B3GAT1: variants seen among roughly 807,000 people sequenced by gnomAD.
B3GAT1 encodes beta-1,3-glucuronyltransferase 1, also known as galactosylgalactosylxylosylprotein 3-beta-glucuronosyltransferase 1.
In B3GAT1, 11 loss-of-function variants were observed where a neutral mutation model predicts 28.4. The ratio of observed to expected loss-of-function variants is 0.39; its 90% CI spans 0.24 to 0.64. The LOEUF is 0.64. Among genes scored for constraint, B3GAT1 ranks in the 30% least tolerant of loss-of-function variants. The pLI, the probability that B3GAT1 is intolerant of heterozygous loss-of-function variation, is 0.50. For synonymous variants in B3GAT1, 255 were observed against 223.1 expected (o/e 1.14, Z -1.27); for missense variants, 375 against 491.0 (o/e 0.76, Z 2.23).
At chr11:134,382,380 CAT>C (rs1338911417) in intron 4 of B3GAT1, among the ~76,000 whole-genome samples, 4 of 150,310 alleles carry the variant, frequency 2.7e-5, no homozygotes, top group East Asian at 2.0e-4. Flanking sequence ...TGTTCACCTG[CAT>C]ATATGTGTGC....
chr11:134,395,236 G>A (rs940277874), intron 1 of B3GAT1, among the ~76,000 whole-genome samples: 1 of 152,224 alleles, frequency 6.6e-6, no homozygotes, highest in African/African-American at 2.4e-5. Context: ...GCGGGGATGG[G>A]CACACAGATG....
chr11:134,383,582 C>T, intron 3 of B3GAT1, 98 bp downstream of exon 3: 6 of 1,410,362 alleles, frequency 4.3e-6, no homozygotes, highest in Non-Finnish European at 4.6e-6. Context: ...TCCCGGGTTC[C>T]CCCTGCGCGC....
intron 1 of B3GAT1, among the ~76,000 whole-genome samples, chr11:134,409,148 A>G (rs1944799712): frequency 6.6e-6 from 1 of 152,186 alleles, no homozygotes; most frequent in Admixed American, 6.5e-5. Context: ...GACTGCCAGG[A>G]AGCCGGGGCT....
At chr11:134,403,729 T>C (rs1944666177) in intron 1 of B3GAT1, among the ~76,000 whole-genome samples, 2 of 152,148 alleles carry the variant, frequency 1.3e-5, no homozygotes, top group South Asian at 4.1e-4. Flanking sequence ...AAATGTGGAA[T>C]ACACATGCAA....
At chr11:134,402,912 CA>C (rs970550896) in intron 1 of B3GAT1, among the ~76,000 whole-genome samples, 3,475 of 83,270 alleles carry the variant, frequency 0.042, 60 homozygotes, top group African/African-American at 0.12. Flanking sequence ...GACTCTGTTT[CA>C]AAAAAAAAAA....
rs1197610622 is a variant in B3GAT1 at position 134,393,726 on chromosome 11, G to A, written c.-281-5786C>T. 6.6e-6 allele frequency among the ~76,000 whole-genome samples: 1 copy of A among 152,190 alleles called. No individual in the cohort carries two copies. Among genetic ancestry groups the A allele is most frequent in the Admixed American group, 6.5e-5 (1 of 15,274 alleles). On this transcript the variant is annotated intron_variant, in intron 1 of 5. Transcript: ENST00000312527. This position sits in a 1 kb window ranked among gnomAD's most constrained non-coding sequence, Gnocchi z 4.0. ...GAACCGGCGTCACTGACTCTTGAGG[G>A]CGTGGGCTCAGTGGTGACAGCAGAG...
intron 2 of B3GAT1, chr11:134,386,751 T>A (rs1944296982): frequency 6.6e-6 from 1 of 152,210 alleles, no homozygotes; most frequent in East Asian, 1.9e-4. Flanking sequence ...TGTCATGAAA[T>A]GGCATGTGAA....
intron 1 of B3GAT1, among the ~76,000 whole-genome samples, chr11:134,401,426 T>C (rs889203147): frequency 1.3e-5 from 2 of 152,228 alleles, no homozygotes; most frequent in Non-Finnish European, 2.9e-5. Flanking sequence ...AATGCTTTTT[T>C]TGCAGCAACA....
At chr11:134,402,765 T>C (rs1332388749) in intron 1 of B3GAT1, among the ~76,000 whole-genome samples, 3 of 151,860 alleles carry the variant, frequency 2.0e-5, no homozygotes, top group Admixed American at 2.0e-4. Flanking sequence ...ATACAAAAAT[T>C]AGCCAGGTGT....
chr11:134,397,366 G>A (rs546554310), intron 1 of B3GAT1, among the ~76,000 whole-genome samples: 549 of 151,798 alleles, frequency 3.6e-3, no homozygotes, highest in Non-Finnish European at 6.2e-3. Context: ...CCCTGCGCCC[G>A]CCCACCACTC....
At chr11:134,403,450 C>G (rs575187035) in intron 1 of B3GAT1, among the ~76,000 whole-genome samples, 4 of 152,186 alleles carry the variant, frequency 2.6e-5, no homozygotes, top group Non-Finnish European at 5.9e-5. Flanking sequence ...CTGGGCACCA[C>G]AGGGTGCCTG....
chr11:134,399,259 G>A (rs887226316), intron 1 of B3GAT1, among the ~76,000 whole-genome samples: 1 of 152,166 alleles, frequency 6.6e-6, no homozygotes, highest in African/African-American at 2.4e-5. Context: ...AATAGACCAC[G>A]CCAGGATTTG....
intron 1 of B3GAT1, among the ~76,000 whole-genome samples, chr11:134,400,333 C>G (rs961612533): frequency 6.6e-6 from 1 of 152,226 alleles, no homozygotes; most frequent in Non-Finnish European, 1.5e-5. Context: ...GGGCCCAGAG[C>G]CCAACCCAAA....
intron 1 of B3GAT1, among the ~76,000 whole-genome samples, chr11:134,401,299 A>C (rs961919019): frequency 6.6e-6 from 1 of 152,366 alleles, no homozygotes; most frequent in East Asian, 1.9e-4. Context: ...TCGCAGCACT[A>C]TTCATAACAG....
chr11:134,399,464 G>A (rs1417204041), intron 1 of B3GAT1, among the ~76,000 whole-genome samples: 2 of 152,226 alleles, frequency 1.3e-5, no homozygotes, highest in Non-Finnish European at 2.9e-5. Flanking sequence ...GCTCAGTGGG[G>A]GCCAGGCCCG....
rs914609372 is a variant in B3GAT1 at position 134,405,480 on chromosome 11, C to T, written c.-282+6327G>A. Among the ~76,000 whole-genome samples, 7 of 152,200 alleles carry T rather than the reference C, an allele frequency of 4.6e-5. No individual in the cohort carries two copies. The South Asian group carries it at 6.2e-4, about 14-fold the overall frequency. ...TAGTTTGTCTGTATTTTTAATTTGC[C>T]GCCTGTGGCCTGAAGGAGCTGACCT... On this transcript the variant is annotated intron_variant, in intron 1 of 5. Coordinates refer to ENST00000312527, the MANE Select transcript of B3GAT1 (RefSeq NM_054025.3).
At chr11:134,403,983 TTATA>T (rs55794505) in intron 1 of B3GAT1, among the ~76,000 whole-genome samples, 2,866 of 40,060 alleles carry the variant, frequency 0.072, 96 homozygotes, top group Non-Finnish European at 0.076. Flanking sequence ...GTTTCTTTCT[TTATA>T]TATATATATA....
rs374034968 is a variant in B3GAT1 at position 134,382,839 on chromosome 11, C to G, written c.789G>C (p.Arg263=). The change falls in exon 4 of 6, where the codon CGG becomes CGC. Residue 263 remains arginine (R), a synonymous_variant. Coordinates refer to ENST00000312527, the MANE Select transcript of B3GAT1 (RefSeq NM_054025.3). The part of the protein sequence containing the change: ...IDMAGFAVNL[R]LILQRSQAYF... ...AGGCCTGGCTTCGCTGCAGAATGAGCCGCAGGTTGACGGCAAATCCAGCCA... is the reference window on the plus strand; with the variant it reads ...AGGCCTGGCTTCGCTGCAGAATGAGGCGCAGGTTGACGGCAAATCCAGCCA... 1.4e-5 allele frequency: 22 copies of G among 1,614,084 alleles called. No individual in the cohort carries two copies. The highest frequency in any genetic ancestry group is 1.6e-4 in the Middle Eastern group (1 of 6,082).
chr11:134,382,257 G>A (rs1263831068), intron 4 of B3GAT1, among the ~76,000 whole-genome samples: 1 of 152,188 alleles, frequency 6.6e-6, no homozygotes, highest in African/African-American at 2.4e-5. Context: ...ATACCTGCTG[G>A]AAATGGGAAG....
Sources: allele counts gnomAD v4.1 joint callset (sites outside exome capture counted in the v4.1 genomes callset), GRCh38; gene constraint gnomAD v4.1.1; non-coding constraint Gnocchi (gnomAD v3.1); transcripts MANE v1.5; gene names NCBI Gene and HGNC (gene_info 2026-07-23, HGNC 2026-07-21).